TEC: variants seen among roughly 807,000 people sequenced by gnomAD.
TEC encodes tyrosine-protein kinase Tec.
Under a neutral mutation model 93.0 loss-of-function variants are expected in TEC, and 72 were observed. The ratio of observed to expected loss-of-function variants is 0.77; its 90% CI spans 0.64 to 0.94. TEC has a LOEUF of 0.94. Ranked by LOEUF, TEC falls within the 40% of genes least tolerant of loss-of-function variation. TEC has a pLI of 0.00. For missense variants in TEC, 630 were observed against 757.9 expected (o/e 0.83, Z 1.98); for synonymous variants, 249 against 247.7 (o/e 1.01, Z -0.05).
chr4:48,152,475 A>AATAC (rs1486278786), intron 9 of TEC, among the ~76,000 whole-genome samples: 3 of 151,302 alleles, frequency 2.0e-5, no homozygotes, highest in East Asian at 3.9e-4. Context: ...TAAATAAATA[A>AATAC]ATACAGTCTA....
intron 2 of TEC, among the ~76,000 whole-genome samples, chr4:48,197,946 A>G (rs1015913911): frequency 1.6e-4 from 24 of 152,100 alleles, no homozygotes; most frequent in Admixed American, 1.6e-3. Flanking sequence ...CAGGAACTCA[A>G]AGTGACCCCA....
At chr4:48,186,135 A>G (rs1021329315) in intron 2 of TEC, among the ~76,000 whole-genome samples, 3 of 152,248 alleles carry the variant, frequency 2.0e-5, no homozygotes, top group Non-Finnish European at 4.4e-5. Context: ...CCGGGATTGC[A>G]GACGGAGTCT....
chr4:48,222,059 C>G (rs1447383341), intron 2 of TEC, among the ~76,000 whole-genome samples: 3 of 152,120 alleles, frequency 2.0e-5, no homozygotes, highest in African/African-American at 7.2e-5. Context: ...GAAAAGGCTT[C>G]TGAGAAGATG....
intron 14 of TEC, chr4:48,141,660 A>T: frequency 1.1e-5 from 4 of 360,470 alleles, no homozygotes; most frequent in South Asian, 6.4e-5. Context: ...ATCTTTACCA[A>T]TTGTCTTTTT....
At chr4:48,164,472 A>C (rs1374097815) in intron 7 of TEC, among the ~76,000 whole-genome samples, 1 of 152,208 alleles carries the variant, frequency 6.6e-6, no homozygotes, top group Non-Finnish European at 1.5e-5. Context: ...AAGAAAACAG[A>C]TATACATATA....
intron 11 of TEC, among the ~76,000 whole-genome samples, 171 bp from the exon 12 acceptor site, chr4:48,146,570 T>C (rs1719923092): frequency 1.3e-5 from 2 of 152,220 alleles, no homozygotes; most frequent in East Asian, 3.8e-4. Context: ...AAACATTTTC[T>C]TTTAAATACT....
At chr4:48,167,325 GGAGA>G (rs984139118) in intron 7 of TEC, among the ~76,000 whole-genome samples, 1 of 151,756 alleles carries the variant, frequency 6.6e-6, no homozygotes, top group East Asian at 1.9e-4. Context: ...ATATATTCAT[GGAGA>G]GAGAGAAAGA....
intron 1 of TEC, among the ~76,000 whole-genome samples, chr4:48,269,134 T>C (rs992096455): frequency 6.6e-6 from 1 of 152,098 alleles, no homozygotes; most frequent in African/African-American, 2.4e-5. Flanking sequence ...GAAGAGAACG[T>C]GAACTTCACT....
intron 8 of TEC, among the ~76,000 whole-genome samples, chr4:48,160,767 A>T (rs1209924281): frequency 6.8e-6 from 1 of 146,148 alleles, no homozygotes; most frequent in Non-Finnish European, 1.5e-5. Flanking sequence ...GAAAGAAAAG[A>T]AAAAAAGAAA....
chr4:48,246,380 C>T (rs980367797), intron 1 of TEC, among the ~76,000 whole-genome samples: 1 of 151,974 alleles, frequency 6.6e-6, no homozygotes, highest in African/African-American at 2.4e-5. Context: ...AATGAATTCT[C>T]TATTAAAATC....
intron 6 of TEC, among the ~76,000 whole-genome samples, chr4:48,168,355 T>A (rs1254025094): frequency 1.3e-5 from 2 of 152,204 alleles, no homozygotes; most frequent in African/African-American, 4.8e-5. Context: ...AAATGCCAGA[T>A]GATAACAGGA....
At chr4:48,247,366 A>G (rs1216911189) in intron 1 of TEC, among the ~76,000 whole-genome samples, 3 of 152,200 alleles carry the variant, frequency 2.0e-5, no homozygotes, top group Admixed American at 6.5e-5. Context: ...TTTTCGTATG[A>G]CTCAGCATTT....
intron 2 of TEC, among the ~76,000 whole-genome samples, chr4:48,198,697 T>C (rs895283488): frequency 6.6e-6 from 1 of 152,148 alleles, no homozygotes; most frequent in Non-Finnish European, 1.5e-5. Flanking sequence ...TCTCTTTTGG[T>C]GGTCTAATTT....
At chr4:48,145,608 A>G in intron 12 of TEC, 29 bp from the exon 13 acceptor site, 3 of 1,609,336 alleles carry the variant, frequency 1.9e-6, no homozygotes, top group Non-Finnish European at 2.5e-6. Context: ...AAGTGTTCAT[A>G]TTTAAAAAGG....
chr4:48,261,894 T>C (rs1724504462), intron 1 of TEC, among the ~76,000 whole-genome samples: 1 of 152,144 alleles, frequency 6.6e-6, no homozygotes, highest in Non-Finnish European at 1.5e-5. Context: ...GATAACATAA[T>C]GAATACTTAC....
intron 3 of TEC, 34 bp downstream of exon 3, chr4:48,176,048 A>G: frequency 1.3e-6 from 2 of 1,512,228 alleles, no homozygotes; most frequent in Non-Finnish European, 1.8e-6. Context: ...GACTAAGCCC[A>G]GCACTGCACT....
chr4:48,149,425 G>T, intron 11 of TEC, 132 bp downstream of exon 11: 8 of 859,718 alleles, frequency 9.3e-6, no homozygotes, highest in Non-Finnish European at 1.0e-5. Context: ...CCTTTAATAT[G>T]CAGTAATTTA....
chr4:48,193,767 A>G (rs1439013802), intron 2 of TEC, among the ~76,000 whole-genome samples: 3 of 136,028 alleles, frequency 2.2e-5, no homozygotes, highest in African/African-American at 8.6e-5. Flanking sequence ...TAAGCACTTC[A>G]TGTGTTAGGG....
intron 11 of TEC, 90 bp downstream of exon 11, chr4:48,149,467 T>A (rs926141495): frequency 1.5e-6 from 2 of 1,315,160 alleles, no homozygotes; most frequent in African/African-American, 1.5e-5. Context: ...GAACTAACTA[T>A]AAAATAAAAC....
Sources: gnomAD v4.1 joint callset for allele counts (sites outside exome capture counted in the v4.1 genomes callset) on GRCh38, gnomAD v4.1.1 for gene constraint, MANE v1.5 for transcripts, NCBI Gene and HGNC (gene_info 2026-07-23, HGNC 2026-07-21) for gene names.